The following COBLL1 variants were observed in gnomAD, a reference collection of about 807,000 sequenced individuals.
COBLL1 encodes the protein cordon-bleu protein-like 1.
A neutral mutation model predicts 94.8 loss-of-function variants in COBLL1; 50 were observed. That is an observed-to-expected ratio of 0.53 (90% confidence interval 0.42 to 0.67). The LOEUF is 0.67. Ranked by LOEUF, COBLL1 falls within the 30% of genes least tolerant of loss-of-function variation. The pLI is 0.00. For synonymous variants in COBLL1, 448 were observed against 473.8 expected (o/e 0.95, Z 0.71); for missense variants, 1,362 against 1,348.7 (o/e 1.01, Z -0.15).
At chr2:164,687,409 C>A (rs1240678967) in intron 13 of COBLL1, 8 of 899,670 alleles carry the variant, frequency 8.9e-6, no homozygotes, top group African/African-American at 4.8e-5. Flanking sequence ...CTTGGTGAAG[C>A]CCCATTTCTT....
chr2:164,777,505 C>A (rs1420921955), intron 2 of COBLL1, among the ~76,000 whole-genome samples: 1 of 152,080 alleles, frequency 6.6e-6, no homozygotes, highest in Non-Finnish European at 1.5e-5. Context: ...CCTGAGGATT[C>A]CAGGCAGCAT....
chr2:164,726,612 T>C (rs1685733999), intron 5 of COBLL1, among the ~76,000 whole-genome samples: 1 of 152,146 alleles, frequency 6.6e-6, no homozygotes, highest in Non-Finnish European at 1.5e-5. Context: ...AAGCATTTAT[T>C]CACCTATTGT....
At chr2:164,744,375 C>T (rs989407600) in intron 2 of COBLL1, among the ~76,000 whole-genome samples, 2 of 152,136 alleles carry the variant, frequency 1.3e-5, no homozygotes, top group Admixed American at 6.6e-5. Context: ...TAAATTCACC[C>T]TGTTTGCCCC....
upstream of COBLL1, chr2:164,841,875 C>G: frequency 9.2e-7 from 1 of 1,085,514 alleles, no homozygotes; most frequent in South Asian, 1.5e-5. The surrounding 1 kb of genome is among the most constrained non-coding windows in gnomAD (Gnocchi z 5.5). Context: ...AGGGCCGACT[C>G]AGCACCTCCC....
chr2:164,690,376 C>T (rs1051377233), intron 13 of COBLL1, among the ~76,000 whole-genome samples: 4 of 152,038 alleles, frequency 2.6e-5, no homozygotes, highest in African/African-American at 9.7e-5. Context: ...TCAATAGAAC[C>T]TAAAGTAATT....
At chr2:164,776,047 G>T (rs1236054561) in intron 2 of COBLL1, among the ~76,000 whole-genome samples, 1 of 151,630 alleles carries the variant, frequency 6.6e-6, no homozygotes, top group Non-Finnish European at 1.5e-5. Flanking sequence ...ATCCAAAAAA[G>T]ATGCTGAATT....
intron 9 of COBLL1, among the ~76,000 whole-genome samples, chr2:164,701,309 A>T (rs1391101179): frequency 1.3e-5 from 2 of 152,192 alleles, no homozygotes; most frequent in African/African-American, 4.8e-5. Context: ...GATTTTTAAG[A>T]CTACTTAGAT....
chr2:164,807,801 C>T (rs1427753418), intron 2 of COBLL1, among the ~76,000 whole-genome samples: 4 of 151,754 alleles, frequency 2.6e-5, no homozygotes, highest in African/African-American at 4.8e-5. Context: ...TTTGTTTGAG[C>T]TTTATTTTAT....
intron 7 of COBLL1, among the ~76,000 whole-genome samples, chr2:164,715,877 C>T (rs1414824355): frequency 2.0e-5 from 3 of 152,080 alleles, no homozygotes; most frequent in African/African-American, 7.2e-5. Context: ...AATGATGTGC[C>T]ATCCCCGTAG....
At chr2:164,707,975 T>G (rs747071884) in intron 7 of COBLL1, among the ~76,000 whole-genome samples, 6 of 152,154 alleles carry the variant, frequency 3.9e-5, no homozygotes, top group Non-Finnish European at 7.4e-5. Context: ...GAGTTAGCCA[T>G]GCTCTTTGCC....
At chr2:164,838,462 TAC>T (rs1282602870) in intron 2 of COBLL1, among the ~76,000 whole-genome samples, 1 of 152,202 alleles carries the variant, frequency 6.6e-6, no homozygotes, top group Non-Finnish European at 1.5e-5. Context: ...ATTAAAATAT[TAC>T]AGAGTTAATG....
At chr2:164,786,609 T>G (rs937070226) in intron 2 of COBLL1, among the ~76,000 whole-genome samples, 13 of 152,026 alleles carry the variant, frequency 8.6e-5, no homozygotes, top group Non-Finnish European at 1.5e-4. Context: ...ATCAAAAATT[T>G]TAAAAGTCTG....
At chr2:164,723,672 A>C (rs920263147) in intron 5 of COBLL1, 2 of 152,224 alleles carry the variant, frequency 1.3e-5, no homozygotes, top group African/African-American at 4.8e-5. Flanking sequence ...ATGATACTAA[A>C]AAAAAAAAAC....
intron 13 of COBLL1, among the ~76,000 whole-genome samples, chr2:164,691,120 T>A (rs906000048): frequency 3.3e-5 from 5 of 152,168 alleles, no homozygotes; most frequent in African/African-American, 1.2e-4. Flanking sequence ...TTCTGCCTTG[T>A]CTCCATGTTT....
At chr2:164,791,727 C>T (rs944060641) in intron 2 of COBLL1, among the ~76,000 whole-genome samples, 1 of 152,146 alleles carries the variant, frequency 6.6e-6, no homozygotes, top group Non-Finnish European at 1.5e-5. Context: ...TGAGGAGCAA[C>T]TTCTCCACCT....
intron 8 of COBLL1, 57 bp from the exon 9 acceptor site, chr2:164,704,575 T>A: frequency 7.5e-7 from 1 of 1,338,236 alleles, no homozygotes; most frequent in East Asian, 2.3e-5. Flanking sequence ...AAACAATTCC[T>A]TAACAGTTTA....
At chr2:164,803,950 T>A (rs2063265) in intron 2 of COBLL1, among the ~76,000 whole-genome samples, 17,798 of 151,790 alleles carry the variant, frequency 0.12, 1,389 homozygotes, top group Admixed American at 0.18. Flanking sequence ...ACTCGAATAA[T>A]GAGACAGACA....
At chr2:164,696,541 T>C (rs990935249) in intron 11 of COBLL1, 2 of 152,178 alleles carry the variant, frequency 1.3e-5, no homozygotes, top group African/African-American at 2.4e-5. Context: ...TTGATTTTTC[T>C]CTGTTGGAAA....
rs1271639421 is a variant in COBLL1, at chr2:164,841,384, G to A, written c.-50-138C>T. On this transcript the variant is annotated intron_variant, in intron 1 of 13. Coordinates refer to ENST00000652658, the MANE Select transcript of COBLL1 (RefSeq NM_001365672.2). The surrounding 1 kb of genome is among the most constrained non-coding windows in gnomAD (Gnocchi z 5.5). ...GCCTCCCGGGTGCGCTTCCACCTGCGGGCCCCGGCTCCCAGCCCGCGGGCG... is the reference window on the plus strand; with the variant it reads ...GCCTCCCGGGTGCGCTTCCACCTGCAGGCCCCGGCTCCCAGCCCGCGGGCG... 1 of 1,179,196 alleles carries A rather than the reference G, an allele frequency of 8.5e-7. No individual in the cohort carries two copies. The highest frequency in any genetic ancestry group is 3.4e-4 in the Middle Eastern group (1 of 2,932). The allele number at this position is 1,179,196 out of a possible 1,614,324, so 73.0% of individuals were successfully genotyped here.
Sources: gnomAD v4.1 joint callset for allele counts (sites outside exome capture counted in the v4.1 genomes callset) on GRCh38, gnomAD v4.1.1 for gene constraint, Gnocchi (gnomAD v3.1) non-coding constraint, MANE v1.5 for transcripts, NCBI Gene and HGNC (gene_info 2026-07-23, HGNC 2026-07-21) for gene names.